SAE1: variants seen among roughly 807,000 people sequenced by gnomAD.
SAE1 encodes SUMO-activating enzyme subunit 1.
A neutral mutation model predicts 40.6 loss-of-function variants in SAE1; 11 were observed. The observed-to-expected ratio is 0.27, with a 90% CI of 0.17 to 0.45. The LOEUF is 0.45. SAE1 is among the 20% of genes least tolerant of loss of function. The pLI, the probability that SAE1 is intolerant of heterozygous loss-of-function variation, is 1.00. For synonymous variants in SAE1, 155 were observed against 154.3 expected, an observed-to-expected ratio of 1.00 and a Z score of -0.03; for missense variants, 373 against 427.3, an observed-to-expected ratio of 0.87 and a Z score of 1.12.
intron 5 of SAE1, among the ~76,000 whole-genome samples, chr19:47,159,142 A>T (rs1161384861): frequency 6.6e-6 from 1 of 152,160 alleles, no homozygotes; most frequent in Non-Finnish European, 1.5e-5. Flanking sequence ...ATACAGATTT[A>T]ATTTTACCTC....
chr19:47,173,239 C>T (rs968978146), intron 6 of SAE1, among the ~76,000 whole-genome samples: 2 of 152,134 alleles, frequency 1.3e-5, no homozygotes, highest in Non-Finnish European at 1.5e-5. Context: ...CCTCGTGAAC[C>T]GCCTGCCTCG....
intron 5 of SAE1, among the ~76,000 whole-genome samples, chr19:47,161,775 T>A (rs2058361004): frequency 6.6e-6 from 1 of 152,208 alleles, no homozygotes. Flanking sequence ...TTCCTATGCA[T>A]TTCTTCTTAC....
intron 5 of SAE1, among the ~76,000 whole-genome samples, chr19:47,156,348 C>T (rs796976420): frequency 1.1e-4 from 17 of 151,164 alleles, no homozygotes; most frequent in African/African-American, 2.9e-4. Flanking sequence ...CAAGGTGGTG[C>T]GTTGCTTGTA....
chr19:47,142,902 T>G (rs2058230693), intron 1 of SAE1, among the ~76,000 whole-genome samples: 1 of 152,204 alleles, frequency 6.6e-6, no homozygotes, highest in South Asian at 2.1e-4. Context: ...ATATTATGTA[T>G]CTATTTGTTT....
At chr19:47,202,668 C>T (rs2123322843) in intron 7 of SAE1, among the ~76,000 whole-genome samples, 1 of 150,482 alleles carries the variant, frequency 6.6e-6, no homozygotes, top group African/African-American at 2.4e-5. Context: ...AATCCCAGCG[C>T]TTTGGGAGGC....
At chr19:47,145,968 G>A (rs1225955438) in intron 2 of SAE1, among the ~76,000 whole-genome samples, 5 of 144,422 alleles carry the variant, frequency 3.5e-5, no homozygotes, top group African/African-American at 1.0e-4. Flanking sequence ...GGAAACCATA[G>A]CAGGCTCCCT....
At position 47,132,309 on chromosome 19, in the gene SAE1, T is replaced by C. The variant is rs568311909; in HGVS notation, c.98+1281T>C. 3.5e-3 allele frequency among the ~76,000 whole-genome samples: 525 copies of C among 149,574 alleles called. 3 individuals carry two copies. The highest frequency in any genetic ancestry group is 3.4e-3 in the Non-Finnish European group (232 of 67,460). ...TCTGTGGCCCAGTGGAGTGCAGTGG[T>C]GGGATCACAGCTCACTGTAGCCTCA... On this transcript the variant is annotated intron_variant, in intron 1 of 8. Transcript: ENST00000270225.
rs2058702676 is a variant in SAE1 at position 47,209,474 on chromosome 19, C to G, written c.*223C>G. 1 of 701,120 alleles carries G rather than the reference C, an allele frequency of 1.4e-6. No homozygotes were observed. The highest frequency in any genetic ancestry group is 2.0e-5 in the South Asian group (1 of 51,208). The allele number at this position is 701,120 out of a possible 1,614,324, so 43.4% of individuals were successfully genotyped here. A position where few individuals can be genotyped will look rare whatever the true frequency, so the allele number is the denominator to read the frequency against. On this transcript the variant is annotated 3_prime_UTR_variant, in exon 9 of 9. Coordinates refer to ENST00000270225, the MANE Select transcript of SAE1 (RefSeq NM_005500.3). ...TGGCTGTCTTTGTTCCAGCACTGTT[C>G]AGGCTGCCTGTCATCCCGGGCCTGC...
Position 47,180,643 on chromosome 19 carries a change from C to T in SAE1, c.733+10720C>T, listed in dbSNP as rs1028356710. Among the ~76,000 whole-genome samples the T allele has an allele frequency of 3.9e-5, 6 of 152,082 alleles. No individual in the cohort carries two copies. In the South Asian group the frequency reaches 1.0e-3, roughly 26 times the overall value. On this transcript the variant is annotated intron_variant, in intron 6 of 8. Transcript: ENST00000270225. Reference sequence around the variant, plus strand: ...TTTGAGACCAGCCTGGGCAACAAAACGAGACCCCATCTCTACAAAAAATAA... The same window carrying T: ...TTTGAGACCAGCCTGGGCAACAAAATGAGACCCCATCTCTACAAAAAATAA...
intron 7 of SAE1, among the ~76,000 whole-genome samples, chr19:47,198,342 C>T (rs984350115): frequency 4.6e-5 from 7 of 152,024 alleles, no homozygotes; most frequent in Non-Finnish European, 1.0e-4. Context: ...GAACTCTTGA[C>T]CTCAGGTGAT....
At position 47,155,214 on chromosome 19, in the gene SAE1, G is replaced by T; in HGVS notation, c.627+1G>T. ...TTCTGAGACAACGATGGTCAAAAAG[G>T]TATGTGTAACGTGGGGGCAGAGGTC... On this transcript the variant is annotated splice_donor_variant, in intron 5 of 8. Transcript: ENST00000270225. LOFTEE classifies it high-confidence loss of function. 6.2e-7 allele frequency: 1 copy of T among 1,608,998 alleles called. No homozygotes were observed. The highest frequency in any genetic ancestry group is 8.5e-7 in the Non-Finnish European group (1 of 1,175,444).
chr19:47,179,121 G>A (rs1246491118), intron 6 of SAE1, among the ~76,000 whole-genome samples: 1 of 148,318 alleles, frequency 6.7e-6, no homozygotes, highest in Non-Finnish European at 1.5e-5. Context: ...GAACCCGGGA[G>A]GCAGAGCTTG....
intron 1 of SAE1, among the ~76,000 whole-genome samples, chr19:47,140,616 G>A (rs1357845595): frequency 7.9e-6 from 1 of 127,372 alleles, no homozygotes. Flanking sequence ...GTGAGACCCT[G>A]TGTCTACAAA....
chr19:47,161,672 A>G (rs2058360554), intron 5 of SAE1, among the ~76,000 whole-genome samples: 1 of 151,992 alleles, frequency 6.6e-6, no homozygotes, highest in Admixed American at 6.6e-5. Context: ...TAGACCTACC[A>G]CTCAATTTGA....
At chr19:47,199,938 T>G (rs557320114) in intron 7 of SAE1, among the ~76,000 whole-genome samples, 1 of 151,976 alleles carries the variant, frequency 6.6e-6, no homozygotes, top group Non-Finnish European at 1.5e-5. Flanking sequence ...TGATGGCTTT[T>G]TTTTTTTTTG....
At chr19:47,190,281 C>G (rs1014041871) in intron 6 of SAE1, among the ~76,000 whole-genome samples, 1 of 152,158 alleles carries the variant, frequency 6.6e-6, no homozygotes, top group Non-Finnish European at 1.5e-5. Context: ...TTGATCTTAA[C>G]GGAACAGTTT....
chr19:47,200,705 CTTGCCACCTCTTTTTGTAAATAAAGT>C (rs369785309), intron 7 of SAE1, among the ~76,000 whole-genome samples: 3 of 152,242 alleles, frequency 2.0e-5, no homozygotes, highest in African/African-American at 7.2e-5. Flanking sequence ...GGCAAACTGG[CTTGCCACCTCTTTTTGTAAATAAAGT>C]TTTATTGGCA....
At chr19:47,147,201 T>G (rs908238465) in intron 2 of SAE1, among the ~76,000 whole-genome samples, 2 of 17,674 alleles carry the variant, frequency 1.1e-4, no homozygotes, top group South Asian at 1.0e-3. Context: ...GTGTATGGGT[T>G]TTTTTTTTTT....
Position 47,197,421 on chromosome 19 carries a change from T to C in SAE1, c.878+44T>C, listed in dbSNP as rs756007057. 4.7e-6 allele frequency: 7 copies of C among 1,503,294 alleles called. 1 individual carries two copies. In the South Asian group the frequency reaches 9.9e-5, roughly 21 times the overall value. 93.1% of individuals were successfully genotyped at this position (1,503,294 alleles called of 1,614,324 possible). ...CACTGTTTAGTCTGGACAGATAAAG[T>C]TTGTTTTCAGGATTTGCCTTAATTT... On this transcript the variant is annotated intron_variant, in intron 7 of 8. Transcript: ENST00000270225.
Sources: allele counts gnomAD v4.1 joint callset (sites outside exome capture counted in the v4.1 genomes callset), GRCh38; gene constraint gnomAD v4.1.1; transcripts MANE v1.5; gene names NCBI Gene and HGNC (gene_info 2026-07-23, HGNC 2026-07-21).